The following MFAP4 variants were observed in gnomAD, a reference collection of about 807,000 sequenced individuals.
MFAP4 encodes microfibril-associated glycoprotein 4.
Under a neutral mutation model 32.4 loss-of-function variants are expected in MFAP4, and 20 were observed. The observed-to-expected ratio is 0.62, with a 90% CI of 0.43 to 0.90. The LOEUF is 0.90. Ranked by LOEUF, MFAP4 falls within the 40% of genes least tolerant of loss-of-function variation. The probability of loss-of-function intolerance (pLI) is 0.00; values close to 1 mark genes in which losing one functional copy is unlikely to be tolerated. For missense variants in MFAP4, 267 were observed against 329.5 expected, an observed-to-expected ratio of 0.81 and a Z score of 1.47; for synonymous variants, 146 against 137.4, an observed-to-expected ratio of 1.06 and a Z score of -0.44.
chr17:19,386,336 T>C lies in MFAP4; in HGVS notation c.214A>G (p.Met72Val). ...GTCCACTTCCCGCCCTCGGTGGTCA[T>C]GTCACAGAAGACGGGCACAGGCACA... ...PSVPVPVFCD[M>V]TTEGGKWTVF... is the part of the protein sequence containing the mutation. Residue 72 changes from methionine to valine, a missense_variant, in exon 3 of 6, where the codon ATG becomes GTG. Around this residue, in one of 3 missense-constraint regions of MFAP4, gnomAD observed 223 missense variants for 253.3 expected, o/e 0.88. Coordinates refer to ENST00000299610, the MANE Select transcript of MFAP4 (RefSeq NM_002404.3). 1 of 1,610,942 alleles carries C rather than the reference T, an allele frequency of 6.2e-7. No homozygotes were observed. The highest frequency in any genetic ancestry group is 2.2e-5 in the East Asian group (1 of 44,802).
intron 1 of MFAP4, 40 bp from the exon 2 acceptor site, chr17:19,386,878 G>T: frequency 6.5e-7 from 1 of 1,537,024 alleles, no homozygotes; most frequent in Non-Finnish European, 8.8e-7. Flanking sequence ...CCCCTTCCCA[G>T]CTCCAGAGAT....
chr17:19,384,540 G>A lies in MFAP4; in HGVS notation c.690C>T (p.Ala230=). 1 of 1,613,882 alleles carries A rather than the reference G, an allele frequency of 6.2e-7. No individual in the cohort carries two copies. The highest frequency in any genetic ancestry group is 1.1e-5 in the South Asian group (1 of 91,060). The change falls in exon 6 of 6, where the codon GCC becomes GCT. Residue 230 remains alanine, a synonymous_variant. Transcript: ENST00000299610. ...TCCACTGGGCCCAGTTGATGCCATT[G>A]GCATAAGAGAGGTGGGAGCCACCTA... The part of the protein sequence containing the change: ...FYLGGSHLSY[A]NGINWAQWKG...
At chr17:19,387,036 C>T (rs1185741437) in intron 1 of MFAP4, 114 bp downstream of exon 1, 1 of 1,460,296 alleles carries the variant, frequency 6.8e-7, no homozygotes. Context: ...ACCCTCATAG[C>T]TTACGAGTTT....
Position 19,385,339 on chromosome 17 carries a change from C to T in MFAP4, c.337+19G>A, listed in dbSNP as rs765511948. ...CTGGCCCTGGGGCAGCCCCTCAGCC[C>T]ACCTGGTCCCTGCCTTACCCAGCCA... On this transcript the variant is annotated intron_variant, in intron 4 of 5. Coordinates refer to ENST00000299610, the MANE Select transcript of MFAP4 (RefSeq NM_002404.3). 6.2e-6 allele frequency: 10 copies of T among 1,614,226 alleles called. No individual in the cohort carries two copies. The South Asian group carries it at 7.7e-5, about 12-fold the overall frequency.
In MFAP4 at chr17:19,384,671, T is replaced by A; in HGVS notation, c.559A>T (p.Thr187Ser). The A allele has an allele frequency of 6.2e-7, 1 of 1,613,902 alleles. No homozygotes were observed. The highest frequency in any genetic ancestry group is 8.5e-7 in the Non-Finnish European group (1 of 1,179,958). The change falls in exon 6 of 6, where the codon ACC (threonine) becomes TCC (serine). Residue 187 changes from threonine (T) to serine (S), a missense_variant. Transcript: ENST00000299610. Reference sequence around the variant, plus strand: ...AAGAGGTCCTGGTCCCGGTCGAAGGTAGAGAACTTCTGGCCACTGTGGTAG... The same window carrying A: ...AAGAGGTCCTGGTCCCGGTCGAAGGAAGAGAACTTCTGGCCACTGTGGTAG... ...LSYHSGQKFS[T>S]FDRDQDLFVQ...
chr17:19,385,687 G>A (rs547325309), intron 3 of MFAP4, among the ~76,000 whole-genome samples: 175 of 152,338 alleles, frequency 1.1e-3, no homozygotes, highest in Non-Finnish European at 1.5e-3. Flanking sequence ...ACCCAGTTTC[G>A]TATAGAGGCA....
intron 3 of MFAP4, among the ~76,000 whole-genome samples, chr17:19,385,993 C>T (rs1913016767): frequency 6.6e-6 from 1 of 152,180 alleles, no homozygotes. Context: ...GTGGCACATG[C>T]CTGTAATCCC....
rs184855950 is a variant in MFAP4 at position 19,383,951 on chromosome 17, G to A, written c.*511C>T. 4.4e-4 allele frequency: 71 copies of A among 162,138 alleles called. No homozygotes were observed. In the East Asian group the frequency reaches 0.01, roughly 23 times the overall value. 10.0% of individuals were successfully genotyped at this position (162,138 alleles called of 1,614,324 possible). A position where few individuals can be genotyped will look rare whatever the true frequency, so the allele number is the denominator to read the frequency against. ...CCACAGGGGAGTAAGTTGGTGGGAG[G>A]GATGCTGAAGATGGGACATGGTTTG... On this transcript the variant is annotated 3_prime_UTR_variant, in exon 6 of 6. Transcript: ENST00000299610.
At chr17:19,386,893 T>C (rs1913059271) in intron 1 of MFAP4, 55 bp from the exon 2 acceptor site, 11 of 1,515,284 alleles carry the variant, frequency 7.3e-6, no homozygotes, top group Non-Finnish European at 9.0e-6. Context: ...AGAGATCCCC[T>C]GTTCTCTTTG....
At chr17:19,386,924 G>A in intron 1 of MFAP4, 86 bp from the exon 2 acceptor site, 1 of 1,441,738 alleles carries the variant, frequency 6.9e-7, no homozygotes, top group Non-Finnish European at 9.5e-7. Context: ...CACCATGCAT[G>A]CACATACTGC....
In MFAP4 at chr17:19,384,406, A is replaced by G. The variant is rs1031036247; in HGVS notation, c.*56T>C. The G allele has an allele frequency of 2.0e-6, 3 of 1,526,588 alleles. No homozygotes were observed. Among genetic ancestry groups the G allele is most frequent in the South Asian group, 1.2e-5 (1 of 82,358 alleles). 94.6% of individuals were successfully genotyped at this position (1,526,588 alleles called of 1,614,324 possible). A position where few individuals can be genotyped will look rare whatever the true frequency, so the allele number is the denominator to read the frequency against. ...ATGCATCAGGGGCAGCAGAGGGAGC[A>G]CTCATGGAGACCATGGGTGTCCAGG... On this transcript the variant is annotated 3_prime_UTR_variant, in exon 6 of 6. Coordinates refer to ENST00000299610, the MANE Select transcript of MFAP4 (RefSeq NM_002404.3).
chr17:19,386,845 A>T lies in MFAP4; in HGVS notation c.7-7T>A. On this transcript the variant is annotated splice_region_variant and splice_polypyrimidine_tract_variant and intron_variant, in intron 1 of 5. Coordinates refer to ENST00000299610, the MANE Select transcript of MFAP4 (RefSeq NM_002404.3). ...GCGGCAGGGCCAGGAGTGCCTGGCG[A>T]TGGGCAGACAGGGTCAGCACAGCCC... 1.9e-6 allele frequency: 3 copies of T among 1,557,096 alleles called. No homozygotes were observed. The highest frequency in any genetic ancestry group is 2.6e-6 in the Non-Finnish European group (3 of 1,150,370).
rs767180037 is a variant in MFAP4 at position 19,386,787 on chromosome 17, G to A, written c.58C>T (p.Pro20Ser). 1 of 1,577,012 alleles carries A rather than the reference G, an allele frequency of 6.3e-7. No individual in the cohort carries two copies. Among genetic ancestry groups the A allele is most frequent in the African/African-American group, 1.3e-5 (1 of 74,282 alleles). The change falls in exon 2 of 6, where the codon CCC becomes TCC. Residue 20 changes from proline to serine, a missense_variant. Physicochemically the swap from Pro to Ser is moderately conservative, Grantham distance 74 (BLOSUM62 -1). Coordinates refer to ENST00000299610, the MANE Select transcript of MFAP4 (RefSeq NM_002404.3). ...TCTCCTCGGATCCCGGAGACCTGGG[G>A]GGCACACGGGGGCGTGGAGAGAAGC... ...LLLLSTPPCA[P>S]QVSGIRGDAL...
intron 3 of MFAP4, 73 bp from the exon 4 acceptor site, chr17:19,385,527 C>T: frequency 4.5e-6 from 6 of 1,329,570 alleles, no homozygotes; most frequent in Non-Finnish European, 6.4e-6. Context: ...CTGCCCACCT[C>T]AAGCATGGAC....
intron 1 of MFAP4, 139 bp from the exon 2 acceptor site, chr17:19,386,977 G>GGCGCC: frequency 2.9e-6 from 2 of 689,458 alleles, no homozygotes; most frequent in Non-Finnish European, 4.7e-6. Flanking sequence ...CCTCTTCCCT[G>GGCGCC]CCCCCCCACC....
At chr17:19,385,324 G>A in intron 4 of MFAP4, 34 bp downstream of exon 4, 1 of 1,614,220 alleles carries the variant, frequency 6.2e-7, no homozygotes, top group Non-Finnish European at 8.5e-7. Flanking sequence ...CTGGCCCTGG[G>A]GCAGCCCCTC....
chr17:19,385,082 C>G lies in MFAP4; in HGVS notation c.520+17G>C. On this transcript the variant is annotated intron_variant, in intron 5 of 5. Transcript: ENST00000299610. ...TTTCCCCTCACAGCCCCTCCCAAAGCTAACAGCGGGTTATACCTGCCCCGC... is the reference window on the plus strand; with the variant it reads ...TTTCCCCTCACAGCCCCTCCCAAAGGTAACAGCGGGTTATACCTGCCCCGC... The G allele has an allele frequency of 6.2e-7, 1 of 1,608,110 alleles. No individual in the cohort carries two copies. The highest frequency in any genetic ancestry group is 8.5e-7 in the Non-Finnish European group (1 of 1,175,694).
chr17:19,387,027 C>T, intron 1 of MFAP4, 123 bp downstream of exon 1: 1 of 1,218,266 alleles, frequency 8.2e-7, no homozygotes, highest in Non-Finnish European at 1.1e-6. Context: ...ACGCTGTGTA[C>T]CCTCATAGCT....
At chr17:19,386,549 C>G in intron 2 of MFAP4, 85 bp from the exon 3 acceptor site, 1 of 1,469,298 alleles carries the variant, frequency 6.8e-7, no homozygotes, top group Middle Eastern at 1.8e-4. Flanking sequence ...GCCTCAGTCC[C>G]TGGGGCTGGG....
Sources: gnomAD v4.1 joint callset for allele counts (sites outside exome capture counted in the v4.1 genomes callset) on GRCh38, gnomAD v4.1.1 for gene constraint, gnomAD v4.1.1 regional missense constraint, MANE v1.5 for transcripts, NCBI Gene and HGNC (gene_info 2026-07-23, HGNC 2026-07-21) for gene names.